Variants in TTC36 observed in about 807,000 individuals in gnomAD.
The protein encoded by TTC36 is tetratricopeptide repeat domain 36.
Under a neutral mutation model 17.5 loss-of-function variants are expected in TTC36, and 15 were observed. The ratio of observed to expected loss-of-function variants is 0.86; its 90% confidence interval spans 0.57 to 1.32. TTC36 has a LOEUF of 1.32. TTC36 is among the 40% of genes most tolerant of loss of function. The probability of loss-of-function intolerance (pLI) is 0.00; values close to 1 mark genes in which losing one functional copy is unlikely to be tolerated. For synonymous variants in TTC36, 112 were observed against 109.8 expected, an observed-to-expected ratio of 1.02 and a Z score of -0.13; for missense variants, 292 against 260.9, an observed-to-expected ratio of 1.12 and a Z score of -0.82.
chr11:118,527,689 G>A (rs1951110147), intron 1 of TTC36, 77 bp downstream of exon 1: 9 of 986,050 alleles, frequency 9.1e-6, no homozygotes, highest in East Asian at 2.4e-5. Flanking sequence ...GAGGGAGGTG[G>A]TTTTATAAGG....
rs140403049 is a variant in TTC36 at position 118,530,841 on chromosome 11, C to T, written c.495C>T (p.Asn165=). 2.5e-3 allele frequency: 3,728 copies of T among 1,511,496 alleles called. 13 individuals are homozygous for T. The highest frequency in any genetic ancestry group is 6.4e-3 in the Middle Eastern group (28 of 4,350). 93.6% of individuals were successfully genotyped at this position (1,511,496 alleles called of 1,614,324 possible). The change falls in exon 3 of 3, where the codon AAC becomes AAT. Residue 165 remains asparagine (N), a synonymous_variant. Coordinates refer to ENST00000302783, the MANE Select transcript of TTC36 (RefSeq NM_001080441.4). This position sits in a 1 kb window ranked among gnomAD's most constrained non-coding sequence, Gnocchi z 5.8. ...CGCGGCGCCAGCTGGTGCTGCTCAA[C>T]CCCTACGCCGCGCTGTGCAACCGCA... ...PFARRQLVLL[N]PYAALCNRML...
Position 118,530,464 on chromosome 11 carries a change from C to T in TTC36, c.308-190C>T. On this transcript the variant is annotated intron_variant, in intron 2 of 2. Transcript: ENST00000302783. The surrounding 1 kb of genome is among the most constrained non-coding windows in gnomAD (Gnocchi z 5.8). ...GGCTTGGCTGTAGAGCTTAACTCTT[C>T]CACAGTCTTCATCTGTGTAATGGGA... 1.6e-6 allele frequency: 1 copy of T among 610,616 alleles called. No individual in the cohort carries two copies. The highest frequency in any genetic ancestry group is 4.7e-4 in the Middle Eastern group (1 of 2,120). 37.8% of individuals were successfully genotyped at this position (610,616 alleles called of 1,614,324 possible).
At chr11:118,528,058 T>C in intron 1 of TTC36, 1 of 446,272 alleles carries the variant, frequency 2.2e-6, no homozygotes, top group Non-Finnish European at 4.5e-6. Context: ...TCTTCCGCAG[T>C]GAGTGCGTTC....
At chr11:118,529,694 G>T (rs1951165911) in intron 2 of TTC36, among the ~76,000 whole-genome samples, 2 of 152,208 alleles carry the variant, frequency 1.3e-5, no homozygotes, top group African/African-American at 4.8e-5. Context: ...CCTCCCAGGA[G>T]CCCCTTATCC....
chr11:118,530,107 GAGA>G lies in TTC36; in HGVS notation c.308-544_308-542del, dbSNP rs1340961317. Reference sequence around the variant, plus strand: ...CAATCAGTCCAGGATACAGGGGAGAGAGAAGGTGTTCTAAAGAAAGCAATGGAA... The same window carrying G: ...CAATCAGTCCAGGATACAGGGGAGAGAGGTGTTCTAAAGAAAGCAATGGAA... On this transcript the variant is annotated intron_variant, in intron 2 of 2. Transcript: ENST00000302783. The surrounding 1 kb of genome is among the most constrained non-coding windows in gnomAD (Gnocchi z 5.8). 2.6e-5 allele frequency among the ~76,000 whole-genome samples: 4 copies of G among 152,354 alleles called. No individual in the cohort carries two copies. Among genetic ancestry groups the G allele is most frequent in the East Asian group, 3.9e-4 (2 of 5,192 alleles).
chr11:118,528,827 C>G, intron 2 of TTC36, 36 bp downstream of exon 2: 1 of 1,553,108 alleles, frequency 6.4e-7, no homozygotes, highest in Non-Finnish European at 8.7e-7. Context: ...TGCAAAAGGG[C>G]CCACGGGAGG....
At position 118,530,806 on chromosome 11, in the gene TTC36, A is replaced by G; in HGVS notation, c.460A>G (p.Ser154Gly). 1 of 1,504,084 alleles carries G rather than the reference A, an allele frequency of 6.6e-7. No individual in the cohort carries two copies. The highest frequency in any genetic ancestry group is 2.1e-5 in the Admixed American group (1 of 47,692). The allele number at this position is 1,504,084 out of a possible 1,614,324, so 93.2% of individuals were successfully genotyped here. A position where few individuals can be genotyped will look rare whatever the true frequency, so the allele number is the denominator to read the frequency against. Residue 154 changes from serine (S) to glycine (G), a missense_variant, in exon 3 of 3, where the codon AGC becomes GGC. Transcript: ENST00000302783. This position sits in a 1 kb window ranked among gnomAD's most constrained non-coding sequence, Gnocchi z 5.8. ...CTTCGAGAGGGCGGCACGGCTGGGC[A>G]GCCCCTTCGCGCGGCGCCAGCTGGT... ...RDFERAARLG[S>G]PFARRQLVLL...
In TTC36 at chr11:118,528,611, T is replaced by G. The variant is rs1263382058; in HGVS notation, c.127T>G (p.Phe43Val). The change falls in exon 2 of 3, where the codon TTC becomes GTC. Residue 43 changes from phenylalanine to valine, a missense_variant. Coordinates refer to ENST00000302783, the MANE Select transcript of TTC36 (RefSeq NM_001080441.4). ...CTCCTTCCCTGGCCCAGATGAAGTT[T>G]TCCCTCAAGCACAGCTGGAACAGTC... ...EKEEREEDEV[F>V]PQAQLEQSKA... The G allele has an allele frequency of 2.6e-6, 4 of 1,564,026 alleles. No individual in the cohort carries two copies. The highest frequency in any genetic ancestry group is 2.6e-6 in the Non-Finnish European group (3 of 1,151,566).
chr11:118,528,985 C>T (rs1226364726), intron 2 of TTC36, among the ~76,000 whole-genome samples, 194 bp downstream of exon 2: 1 of 152,196 alleles, frequency 6.6e-6, no homozygotes, highest in Non-Finnish European at 1.5e-5. Flanking sequence ...AGACTGCATT[C>T]CATTGATTAA....
chr11:118,530,852 C>A lies in TTC36; in HGVS notation c.506C>A (p.Ala169Glu). 1 of 1,511,334 alleles carries A rather than the reference C, an allele frequency of 6.6e-7. No individual in the cohort carries two copies. The highest frequency in any genetic ancestry group is 8.8e-7 in the Non-Finnish European group (1 of 1,137,364). 93.6% of individuals were successfully genotyped at this position (1,511,334 alleles called of 1,614,324 possible). Reference sequence around the variant, plus strand: ...CTGGTGCTGCTCAACCCCTACGCCGCGCTGTGCAACCGCATGCTGGCCGAC... The same window carrying A: ...CTGGTGCTGCTCAACCCCTACGCCGAGCTGTGCAACCGCATGCTGGCCGAC... The part of the protein sequence containing the change: ...RQLVLLNPYA[A>E]LCNRMLADMM... Residue 169 changes from alanine (A) to glutamate (E), a missense_variant, in exon 3 of 3, where the codon GCG becomes GAG. Transcript: ENST00000302783. The surrounding 1 kb of genome is among the most constrained non-coding windows in gnomAD (Gnocchi z 5.8).
intron 2 of TTC36, among the ~76,000 whole-genome samples, chr11:118,529,668 C>G (rs1951164713): frequency 6.6e-6 from 1 of 152,192 alleles, no homozygotes; most frequent in South Asian, 2.1e-4. Context: ...TGAGTCCACT[C>G]CAGGAACAAT....
chr11:118,527,503 T>C lies in TTC36; in HGVS notation c.9T>C (p.Thr3=). Residue 3 remains threonine (T), a synonymous_variant, in exon 1 of 3, where the codon ACT becomes ACC. Coordinates refer to ENST00000302783, the MANE Select transcript of TTC36 (RefSeq NM_001080441.4). Reference sequence around the variant, plus strand: ...TTTTGGAGTTGAGCACCATGGGGACTCCAAATGATCAGGCAGTGCTGCAGG... The same window carrying C: ...TTTTGGAGTTGAGCACCATGGGGACCCCAAATGATCAGGCAGTGCTGCAGG... MG[T]PNDQAVLQAI... The C allele has an allele frequency of 6.2e-7, 1 of 1,613,898 alleles. No individual in the cohort carries two copies. Among genetic ancestry groups the C allele is most frequent in the South Asian group, 1.1e-5 (1 of 91,080 alleles).
intron 1 of TTC36, 169 bp downstream of exon 1, chr11:118,527,781 G>C (rs1314595378): frequency 1.4e-6 from 1 of 689,894 alleles, no homozygotes; most frequent in Non-Finnish European, 2.7e-6. Flanking sequence ...TTTGGTAAGA[G>C]ATGTCCTGCC....
At chr11:118,528,269 G>A (rs1951123261) in intron 1 of TTC36, among the ~76,000 whole-genome samples, 1 of 152,128 alleles carries the variant, frequency 6.6e-6, no homozygotes, top group African/African-American at 2.4e-5. Flanking sequence ...GAATGACCTG[G>A]GTTCAAATCC....
intron 2 of TTC36, among the ~76,000 whole-genome samples, chr11:118,529,288 T>C (rs1951150664): frequency 6.6e-6 from 1 of 152,064 alleles, no homozygotes. Context: ...AGGGCTCGAG[T>C]GTGTGCTCTT....
At chr11:118,527,968 T>C in intron 1 of TTC36, 1 of 467,008 alleles carries the variant, frequency 2.1e-6, no homozygotes. Context: ...CAGGGCATGG[T>C]TGCTCAGTTG....
chr11:118,528,925 T>C, intron 2 of TTC36, 134 bp downstream of exon 2: 2 of 733,070 alleles, frequency 2.7e-6, no homozygotes, highest in South Asian at 5.3e-5. Flanking sequence ...AAGGTAGGAG[T>C]AGTATCAGGG....
intron 1 of TTC36, 100 bp downstream of exon 1, chr11:118,527,712 T>C (rs1482477829): frequency 7.2e-6 from 6 of 829,872 alleles, no homozygotes; most frequent in African/African-American, 5.0e-5. Context: ...CCTTGTTCCA[T>C]GATTATGATT....
chr11:118,527,734 C>A, intron 1 of TTC36, 122 bp downstream of exon 1: 1 of 782,134 alleles, frequency 1.3e-6, no homozygotes. Flanking sequence ...AGATTGGAAT[C>A]AGAGAGGTTG....
Sources: allele counts gnomAD v4.1 joint callset (sites outside exome capture counted in the v4.1 genomes callset), GRCh38; gene constraint gnomAD v4.1.1; non-coding constraint Gnocchi (gnomAD v3.1); transcripts MANE v1.5; gene names NCBI Gene and HGNC (gene_info 2026-07-23, HGNC 2026-07-21).